CCDC85A: variants seen among roughly 807,000 people sequenced by gnomAD.
CCDC85A encodes the protein coiled-coil domain containing 85A, also known as coiled-coil domain-containing protein 85A.
Under a neutral mutation model 50.2 loss-of-function variants are expected in CCDC85A, and 38 were observed. The ratio of observed to expected loss-of-function variants is 0.76; its 90% CI spans 0.58 to 0.99. CCDC85A has a LOEUF of 0.99. CCDC85A is among the 50% of genes least tolerant of loss of function. The pLI, the probability that CCDC85A is intolerant of heterozygous loss-of-function variation, is 0.00. For missense variants in CCDC85A, 820 were observed against 742.0 expected, an observed-to-expected ratio of 1.11 and a Z score of -1.22; for synonymous variants, 366 against 301.4, an observed-to-expected ratio of 1.21 and a Z score of -2.22.
rs916898067 is a variant in CCDC85A, at chr2:56,237,554, A to G, written c.1240+44114A>G. Among the ~76,000 whole-genome samples the G allele has an allele frequency of 3.3e-5, 5 of 152,218 alleles. No homozygotes were observed. The East Asian group carries it at 5.8e-4, about 18-fold the overall frequency. ...TACGTGAATGTCTTATTTAAACCCC[A>G]TAACAACCCGTTAAAAGAAGTACTT... On this transcript the variant is annotated intron_variant, in intron 2 of 5. Coordinates refer to ENST00000407595, the MANE Select transcript of CCDC85A (RefSeq NM_001080433.2).
chr2:56,293,372 A>G (rs1463990686), intron 2 of CCDC85A, among the ~76,000 whole-genome samples: 1 of 152,172 alleles, frequency 6.6e-6, no homozygotes, highest in Non-Finnish European at 1.5e-5. Context: ...AACTATAAAA[A>G]CCCTAGAGGA....
chr2:56,343,651 C>T (rs1674485236), intron 3 of CCDC85A, among the ~76,000 whole-genome samples: 1 of 152,044 alleles, frequency 6.6e-6, no homozygotes, highest in Non-Finnish European at 1.5e-5. Flanking sequence ...AAATATGATT[C>T]TAGGTTGGTT....
rs181567384 is a variant in CCDC85A at position 56,310,989 on chromosome 2, T to C, written c.1241-31890T>C. 2.5e-4 allele frequency among the ~76,000 whole-genome samples: 38 copies of C among 152,302 alleles called. No homozygotes were observed. The East Asian group carries it at 7.1e-3, about 29-fold the overall frequency. ...GCTGGTGACTTTTGGGGAGAAAATATATAACGGGACTTTTGATATTCACAT... is the reference window on the plus strand; with the variant it reads ...GCTGGTGACTTTTGGGGAGAAAATACATAACGGGACTTTTGATATTCACAT... On this transcript the variant is annotated intron_variant, in intron 2 of 5. Coordinates refer to ENST00000407595, the MANE Select transcript of CCDC85A (RefSeq NM_001080433.2).
intron 3 of CCDC85A, among the ~76,000 whole-genome samples, chr2:56,369,084 A>G (rs1675948489): frequency 6.6e-6 from 1 of 152,124 alleles, no homozygotes; most frequent in African/African-American, 2.4e-5. Flanking sequence ...TGTATTTTAG[A>G]TAACATATAA....
intron 2 of CCDC85A, among the ~76,000 whole-genome samples, chr2:56,320,308 T>C (rs1199285373): frequency 1.3e-5 from 2 of 151,578 alleles, no homozygotes; most frequent in East Asian, 1.9e-4. Context: ...CTGAAGGAGA[T>C]AGAGACACAA....
intron 1 of CCDC85A, chr2:56,185,668 C>G (rs1252708980): frequency 2.0e-5 from 3 of 152,496 alleles, no homozygotes; most frequent in Non-Finnish European, 1.5e-5. Context: ...CCCCCTGCCA[C>G]CCTCTTCTAG....
chr2:56,220,738 T>A (rs1412755007), intron 2 of CCDC85A, among the ~76,000 whole-genome samples: 3 of 152,050 alleles, frequency 2.0e-5, no homozygotes, highest in Admixed American at 6.6e-5. Flanking sequence ...ATGCATTGTC[T>A]AAAAGCTAAG....
At position 56,273,320 on chromosome 2, in the gene CCDC85A, T is replaced by C. The variant is rs72923473; in HGVS notation, c.1241-69559T>C. 1.6e-3 allele frequency among the ~76,000 whole-genome samples: 243 copies of C among 152,158 alleles called. 1 individual carries two copies. Among genetic ancestry groups the C allele is most frequent in the African/African-American group, 5.6e-3 (232 of 41,532 alleles). ...TTCTCAAAACTGAAAGACGTGTTTCTAAAGGGTGCAGTGAGCACCTCAGTA... is the reference window on the plus strand; with the variant it reads ...TTCTCAAAACTGAAAGACGTGTTTCCAAAGGGTGCAGTGAGCACCTCAGTA... On this transcript the variant is annotated intron_variant, in intron 2 of 5. Coordinates refer to ENST00000407595, the MANE Select transcript of CCDC85A (RefSeq NM_001080433.2).
At chr2:56,365,918 A>G (rs1675767896) in intron 3 of CCDC85A, among the ~76,000 whole-genome samples, 1 of 151,976 alleles carries the variant, frequency 6.6e-6, no homozygotes, top group African/African-American at 2.4e-5. Context: ...CTCCTTCCCA[A>G]TCCCCTCAAC....
At chr2:56,290,118 T>C (rs1671635097) in intron 2 of CCDC85A, among the ~76,000 whole-genome samples, 1 of 152,190 alleles carries the variant, frequency 6.6e-6, no homozygotes, top group Non-Finnish European at 1.5e-5. Flanking sequence ...TCTTCTTTTA[T>C]TCTTGCATCA....
At chr2:56,382,616 C>T (rs1181854176) in intron 5 of CCDC85A, among the ~76,000 whole-genome samples, 1 of 152,026 alleles carries the variant, frequency 6.6e-6, no homozygotes. Flanking sequence ...CAGTCTCAAA[C>T]ACACACCTGT....
At chr2:56,200,081 A>G (rs1253582511) in intron 2 of CCDC85A, among the ~76,000 whole-genome samples, 1 of 152,124 alleles carries the variant, frequency 6.6e-6, no homozygotes, top group East Asian at 1.9e-4. Flanking sequence ...GTTAGCCAGG[A>G]TGGTCTCCAT....
intron 2 of CCDC85A, among the ~76,000 whole-genome samples, chr2:56,314,630 TCC>T (rs11357996): frequency 6.6e-6 from 1 of 152,080 alleles, no homozygotes; most frequent in African/African-American, 2.4e-5. Context: ...GAATATTTCT[TCC>T]CCCAGTTTGT....
intron 2 of CCDC85A, among the ~76,000 whole-genome samples, chr2:56,283,872 TAA>T (rs1671312680): frequency 6.6e-6 from 1 of 152,144 alleles, no homozygotes. Flanking sequence ...GTTTTCTACT[TAA>T]GTTAATTTGT....
chr2:56,184,282 G>T lies in CCDC85A; in HGVS notation c.-343G>T. ...GGCTTAGGGCGGAGGAGAGGGCAGG[G>T]GAACGGCGGTGCAGCTCCCCCGCTG... On this transcript the variant is annotated 5_prime_UTR_variant, in exon 1 of 6. Coordinates refer to ENST00000407595, the MANE Select transcript of CCDC85A (RefSeq NM_001080433.2). 3 of 794,884 alleles carry T rather than the reference G, an allele frequency of 3.8e-6. No individual in the cohort carries two copies. The highest frequency in any genetic ancestry group is 4.7e-6 in the Non-Finnish European group (3 of 636,162). 49.2% of individuals were successfully genotyped at this position (794,884 alleles called of 1,614,324 possible).
At chr2:56,191,646 G>C (rs572119780) in intron 1 of CCDC85A, among the ~76,000 whole-genome samples, 2 of 152,346 alleles carry the variant, frequency 1.3e-5, no homozygotes, top group South Asian at 2.1e-4. Context: ...ATAAAGAACA[G>C]TGGAACAGAA....
At chr2:56,267,254 C>T (rs1021570939) in intron 2 of CCDC85A, among the ~76,000 whole-genome samples, 10 of 152,092 alleles carry the variant, frequency 6.6e-5, no homozygotes, top group African/African-American at 2.4e-4. Context: ...CCATCCCTAG[C>T]GAAGGCTGCA....
chr2:56,254,748 G>A (rs1669909586), intron 2 of CCDC85A, among the ~76,000 whole-genome samples: 1 of 152,186 alleles, frequency 6.6e-6, no homozygotes, highest in Non-Finnish European at 1.5e-5. Context: ...TAGGGGACTG[G>A]ATCTAGCCAG....
chr2:56,275,823 A>G (rs892559349), intron 2 of CCDC85A, among the ~76,000 whole-genome samples: 5 of 152,248 alleles, frequency 3.3e-5, no homozygotes, highest in African/African-American at 4.8e-5. Context: ...CCCATAAGCA[A>G]AAGCCAAATC....
Sources: gnomAD v4.1 joint callset for allele counts (sites outside exome capture counted in the v4.1 genomes callset) on GRCh38, gnomAD v4.1.1 for gene constraint, MANE v1.5 for transcripts, NCBI Gene and HGNC (gene_info 2026-07-23, HGNC 2026-07-21) for gene names.